CNIH3: variants seen among roughly 807,000 people sequenced by gnomAD.
CNIH3 encodes cornichon family AMPA receptor auxiliary protein 3.
CNIH3 carries 14 observed loss-of-function variants against 24.1 expected under a neutral mutation model. The observed-to-expected ratio is 0.58, with a 90% CI of 0.38 to 0.91. The LOEUF (loss-of-function observed/expected upper bound fraction) is 0.91. CNIH3 is among the 40% of genes least tolerant of loss of function. CNIH3 has a pLI of 0.00. For synonymous variants in CNIH3, 68 were observed against 73.8 expected (o/e 0.92, Z 0.40); for missense variants, 178 against 196.8 (o/e 0.90, Z 0.57).
At chr1:224,618,232 A>G (rs1424229230) in intron 1 of CNIH3, among the ~76,000 whole-genome samples, 1 of 152,246 alleles carries the variant, frequency 6.6e-6, no homozygotes, top group Non-Finnish European at 1.5e-5. Context: ...TAAGCCCCCT[A>G]TCCTCACCCT....
intron 1 of CNIH3, among the ~76,000 whole-genome samples, chr1:224,500,492 C>A (rs959166636): frequency 6.6e-6 from 1 of 152,008 alleles, no homozygotes; most frequent in African/African-American, 2.4e-5. Context: ...GCCAACATGA[C>A]GAAACTCTAT....
At chr1:224,613,958 A>T (rs1390882270), upstream of CNIH3, among the ~76,000 whole-genome samples, 8 of 151,194 alleles carry the variant, frequency 5.3e-5, no homozygotes, top group African/African-American at 1.7e-4. Flanking sequence ...AGCTCACTGC[A>T]CCCTTGACCT....
intron 1 of CNIH3, among the ~76,000 whole-genome samples, chr1:224,488,099 A>G (rs2124838741): frequency 6.6e-6 from 1 of 151,902 alleles, no homozygotes; most frequent in East Asian, 1.9e-4. Flanking sequence ...CTAGTATGTG[A>G]CCTAACCTTG....
chr1:224,444,247 G>A (rs1381075657), intron 1 of CNIH3, among the ~76,000 whole-genome samples: 1 of 152,018 alleles, frequency 6.6e-6, no homozygotes, highest in Non-Finnish European at 1.5e-5. Flanking sequence ...AATTAATATT[G>A]TCATCAGATA....
intron 1 of CNIH3, among the ~76,000 whole-genome samples, chr1:224,676,432 T>C (rs1363575128): frequency 6.6e-6 from 1 of 152,194 alleles, no homozygotes; most frequent in East Asian, 1.9e-4. Flanking sequence ...GGTGATCACA[T>C]GACTGCATTT....
chr1:224,546,947 A>T (rs1008575148), intron 3 of CNIH3: 1 of 979,528 alleles, frequency 1.0e-6, no homozygotes, highest in African/African-American at 1.8e-5. Context: ...ATGGTAAGCC[A>T]GAAACAAGAC....
chr1:224,437,976 G>A (rs973492622), intron 1 of CNIH3, among the ~76,000 whole-genome samples: 42 of 150,668 alleles, frequency 2.8e-4, no homozygotes, highest in African/African-American at 1.0e-3. Flanking sequence ...GCAGTGGCGC[G>A]ATCTTGGCTC....
chr1:224,551,733 T>C (rs184724166), intron 3 of CNIH3, among the ~76,000 whole-genome samples: 8 of 151,912 alleles, frequency 5.3e-5, no homozygotes, highest in Middle Eastern at 3.4e-3. Context: ...TTAGATATTA[T>C]GAATAATACA....
upstream of CNIH3, among the ~76,000 whole-genome samples, chr1:224,512,307 A>G (rs1414020965): frequency 6.6e-6 from 1 of 152,014 alleles, no homozygotes; most frequent in Non-Finnish European, 1.5e-5. Context: ...AGAAAGTCAG[A>G]CCCATCTCTA....
In CNIH3 at chr1:224,684,882, A is replaced by G. The variant is rs374496305; in HGVS notation, c.198+39A>G. On this transcript the variant is annotated intron_variant, in intron 3 of 5. Coordinates refer to ENST00000272133, the MANE Select transcript of CNIH3 (RefSeq NM_152495.2). The surrounding 1 kb of genome is among the most constrained non-coding windows in gnomAD (Gnocchi z 4.2). ...CTTCATGCCGAGGATGGAGGATCGC[A>G]TGGTGGTGGGTGGGCACACAGTGAA... 6.3e-7 allele frequency: 1 copy of G among 1,597,414 alleles called. No homozygotes were observed. The highest frequency in any genetic ancestry group is 8.6e-7 in the Non-Finnish European group (1 of 1,164,902).
intron 1 of CNIH3, among the ~76,000 whole-genome samples, chr1:224,654,470 A>G (rs1224659963): frequency 1.3e-5 from 2 of 152,204 alleles, no homozygotes; most frequent in Non-Finnish European, 2.9e-5. Flanking sequence ...TTTGTTTAAT[A>G]AAGAAGATAT....
chr1:224,542,382 A>G (rs1312090142), downstream of CNIH3, among the ~76,000 whole-genome samples: 1 of 152,164 alleles, frequency 6.6e-6, no homozygotes, highest in Non-Finnish European at 1.5e-5. Context: ...CCTATGACCT[A>G]AAATGGAATG....
At chr1:224,715,759 G>A (rs1688396602) in intron 3 of CNIH3, among the ~76,000 whole-genome samples, 1 of 152,086 alleles carries the variant, frequency 6.6e-6, no homozygotes, top group African/African-American at 2.4e-5. Flanking sequence ...GGAACTAACA[G>A]AGTGGAGAAT....
chr1:224,707,595 T>C (rs1193367236), intron 3 of CNIH3, among the ~76,000 whole-genome samples: 2 of 152,164 alleles, frequency 1.3e-5, no homozygotes, highest in African/African-American at 4.8e-5. Flanking sequence ...AAGTGGTCCA[T>C]GACTTGAATA....
At position 224,740,499 on chromosome 1, in the gene CNIH3, T is replaced by G; in HGVS notation, c.*1143T>G. On this transcript the variant is annotated 3_prime_UTR_variant, in exon 6 of 6. Coordinates refer to ENST00000272133, the MANE Select transcript of CNIH3 (RefSeq NM_152495.2). ...ACCTGTGACTCAGGTTTATGAATGG[T>G]GTTTGTGTAGCAACACATTGTGTGC... 1 of 152,124 alleles carries G rather than the reference T, an allele frequency of 6.6e-6. No homozygotes were observed. The highest frequency in any genetic ancestry group is 1.9e-4 in the East Asian group (1 of 5,200). 9.4% of individuals were successfully genotyped at this position (152,124 alleles called of 1,614,324 possible).
chr1:224,617,864 A>G (rs2125062045), intron 1 of CNIH3, among the ~76,000 whole-genome samples: 1 of 152,262 alleles, frequency 6.6e-6, no homozygotes, highest in Non-Finnish European at 1.5e-5. Context: ...CATTAAGGCC[A>G]TGGAGGAAAG....
chr1:224,528,998 C>A (rs146178078), intron 2 of CNIH3, among the ~76,000 whole-genome samples: 1,592 of 152,314 alleles, frequency 0.01, 12 homozygotes, highest in Non-Finnish European at 0.016. Context: ...CTGCTGGCAT[C>A]ACTGTTTCAT....
intron 1 of CNIH3, among the ~76,000 whole-genome samples, chr1:224,626,019 G>A (rs1332417584): frequency 6.6e-6 from 1 of 152,086 alleles, no homozygotes; most frequent in Admixed American, 6.5e-5. Flanking sequence ...CCCCTTGTGG[G>A]TTAGATAAGG....
chr1:224,500,252 A>G (rs549996769), intron 1 of CNIH3, among the ~76,000 whole-genome samples: 8 of 151,896 alleles, frequency 5.3e-5, no homozygotes, highest in Non-Finnish European at 1.2e-4. Context: ...GTCTCAAGTC[A>G]TCCTCCCACC....
Sources: allele counts gnomAD v4.1 joint callset (sites outside exome capture counted in the v4.1 genomes callset), GRCh38; gene constraint gnomAD v4.1.1; non-coding constraint Gnocchi (gnomAD v3.1); transcripts MANE v1.5; gene names NCBI Gene and HGNC (gene_info 2026-07-23, HGNC 2026-07-21).